The following CNOT10 variants were observed in gnomAD, a reference collection of about 807,000 sequenced individuals.
CNOT10 encodes CCR4-NOT transcription complex subunit 10.
Under a neutral mutation model 94.6 loss-of-function variants are expected in CNOT10, and 30 were observed. The ratio of observed to expected loss-of-function variants is 0.32; its 90% CI spans 0.24 to 0.43. The LOEUF (loss-of-function observed/expected upper bound fraction) is 0.43. Ranked by LOEUF, CNOT10 falls within the 20% of genes least tolerant of loss-of-function variation. CNOT10 has a pLI of 1.00. For missense variants in CNOT10, 759 were observed against 877.2 expected (o/e 0.87, Z 1.70); for synonymous variants, 289 against 301.6 (o/e 0.96, Z 0.43).
chr3:32,769,427 G>A lies in CNOT10; in HGVS notation c.2005-460G>A, dbSNP rs191147525. On this transcript the variant is annotated intron_variant, in intron 17 of 18. Transcript: ENST00000328834. ...GTAAATTATTTTATTGGACTAAATT[G>A]AAGTGTGTTTCAGTCCTTAAGAATG... 1.7e-4 allele frequency: 29 copies of A among 168,558 alleles called. No homozygotes were observed. In the East Asian group the frequency reaches 4.4e-3, roughly 26 times the overall value. The allele number at this position is 168,558 out of a possible 1,614,324, so 10.4% of individuals were successfully genotyped here. A position where few individuals can be genotyped will look rare whatever the true frequency, so the allele number is the denominator to read the frequency against.
intron 1 of CNOT10, among the ~76,000 whole-genome samples, chr3:32,688,220 T>C (rs902092355): frequency 3.3e-5 from 5 of 152,188 alleles, no homozygotes; most frequent in Admixed American, 3.3e-4. Flanking sequence ...CAAAACAAAG[T>C]CTCTGTTCTG....
chr3:32,758,324 T>C (rs979646182), intron 13 of CNOT10, among the ~76,000 whole-genome samples: 10 of 152,196 alleles, frequency 6.6e-5, no homozygotes, highest in Non-Finnish European at 1.5e-4. Context: ...TGTTAAGAGT[T>C]GAGGGGCTGC....
intron 14 of CNOT10, among the ~76,000 whole-genome samples, chr3:32,760,625 C>T (rs997564690): frequency 6.6e-6 from 1 of 152,012 alleles, no homozygotes; most frequent in African/African-American, 2.4e-5. Context: ...CAGCAAGACT[C>T]CCTCTCAAAA....
chr3:32,712,401 T>C lies in CNOT10; in HGVS notation c.431-826T>C, dbSNP rs904136885. 2.6e-5 allele frequency among the ~76,000 whole-genome samples: 4 copies of C among 152,212 alleles called. No individual in the cohort carries two copies. In the South Asian group the frequency reaches 6.2e-4, roughly 24 times the overall value. ...ATAGGTGCAGATTGAGTATCCCTTA[T>C]CCAAAATGCTTGGGACAAGAAGTGT... On this transcript the variant is annotated intron_variant, in intron 4 of 18. Coordinates refer to ENST00000328834, the MANE Select transcript of CNOT10 (RefSeq NM_015442.3).
chr3:32,727,528 T>C (rs571344060), intron 9 of CNOT10, 140 bp from the exon 10 acceptor site: 8 of 627,930 alleles, frequency 1.3e-5, no homozygotes, highest in Admixed American at 2.8e-5. Context: ...GAGACCACCA[T>C]TGGCGAGAGC....
chr3:32,692,155 A>G (rs1234661761), intron 1 of CNOT10, among the ~76,000 whole-genome samples: 6 of 151,960 alleles, frequency 3.9e-5, no homozygotes, highest in Non-Finnish European at 7.4e-5. Flanking sequence ...TGAACCTAGG[A>G]GTTCAAGTCC....
chr3:32,703,725 G>T lies in CNOT10; in HGVS notation c.23-143G>T, dbSNP rs1697479345. Reference sequence around the variant, plus strand: ...CAGAACATTGCTGTTTAAAACTTAAGAACTGCTTATTTCTGGAATTTTCCA... The same window carrying T: ...CAGAACATTGCTGTTTAAAACTTAATAACTGCTTATTTCTGGAATTTTCCA... On this transcript the variant is annotated intron_variant, in intron 1 of 18. Transcript: ENST00000328834. 6 of 605,546 alleles carry T rather than the reference G, an allele frequency of 9.9e-6. No homozygotes were observed. In the South Asian group the frequency reaches 1.2e-4, roughly 12 times the overall value. 37.5% of individuals were successfully genotyped at this position (605,546 alleles called of 1,614,324 possible).
intron 1 of CNOT10, among the ~76,000 whole-genome samples, chr3:32,697,902 T>G (rs559019296): frequency 2.6e-5 from 4 of 152,360 alleles, no homozygotes; most frequent in African/African-American, 9.6e-5. Flanking sequence ...TTATAAAATC[T>G]TTAATAATAA....
intron 1 of CNOT10, among the ~76,000 whole-genome samples, chr3:32,687,040 G>T (rs1283462286): frequency 6.6e-6 from 1 of 152,130 alleles, no homozygotes; most frequent in Non-Finnish European, 1.5e-5. Context: ...GTGATTAGGG[G>T]ACTGTTTTTT....
chr3:32,727,969 A>G (rs527589489), intron 10 of CNOT10, 99 bp downstream of exon 10: 39 of 762,266 alleles, frequency 5.1e-5, no homozygotes, highest in African/African-American at 4.9e-4. Flanking sequence ...CATACATAAG[A>G]CATTTCTCTT....
chr3:32,755,852 G>A (rs1700206617), intron 13 of CNOT10, among the ~76,000 whole-genome samples: 1 of 144,980 alleles, frequency 6.9e-6, no homozygotes, highest in East Asian at 2.1e-4. Flanking sequence ...AGGGGAGAGT[G>A]GGGTTTTGTC....
rs1701009036 is a variant in CNOT10 at position 32,773,755 on chromosome 3, A to G, written c.*144A>G. ...ACCCCTGACATTTGGCCAAAAGCTTACTTAAAATTAAGGATTTACTAAGTC... is the reference window on the plus strand; with the variant it reads ...ACCCCTGACATTTGGCCAAAAGCTTGCTTAAAATTAAGGATTTACTAAGTC... On this transcript the variant is annotated 3_prime_UTR_variant, in exon 19 of 19. Transcript: ENST00000328834. 8 of 754,164 alleles carry G rather than the reference A, an allele frequency of 1.1e-5. No homozygotes were observed. The highest frequency in any genetic ancestry group is 1.6e-5 in the Non-Finnish European group (8 of 501,672). 46.7% of individuals were successfully genotyped at this position (754,164 alleles called of 1,614,324 possible). A position where few individuals can be genotyped will look rare whatever the true frequency, so the allele number is the denominator to read the frequency against.
chr3:32,723,559 T>C (rs1698517910), intron 8 of CNOT10, among the ~76,000 whole-genome samples: 1 of 152,168 alleles, frequency 6.6e-6, no homozygotes, highest in Non-Finnish European at 1.5e-5. Context: ...GTAAACATTT[T>C]CCAAAATCTA....
chr3:32,736,299 A>T (rs1298180247), intron 12 of CNOT10, among the ~76,000 whole-genome samples: 2 of 151,934 alleles, frequency 1.3e-5, no homozygotes, highest in African/African-American at 2.4e-5. Context: ...GTTGTCCAGG[A>T]TGGTCTTGAA....
At chr3:32,708,019 G>A (rs1463819777) in intron 3 of CNOT10, among the ~76,000 whole-genome samples, 2 of 151,946 alleles carry the variant, frequency 1.3e-5, no homozygotes, top group Admixed American at 1.3e-4. Flanking sequence ...CCGAGTAGCT[G>A]GGACTACAGG....
chr3:32,688,408 G>C (rs1696717252), intron 1 of CNOT10, among the ~76,000 whole-genome samples: 2 of 151,910 alleles, frequency 1.3e-5, no homozygotes, highest in South Asian at 2.1e-4. Flanking sequence ...AAACCAGCCT[G>C]ACCAACATGG....
chr3:32,713,298 G>C lies in CNOT10; in HGVS notation c.502G>C (p.Ala168Pro). The C allele has an allele frequency of 6.2e-7, 1 of 1,602,120 alleles. No individual in the cohort carries two copies. Among genetic ancestry groups the C allele is most frequent in the South Asian group, 1.1e-5 (1 of 88,124 alleles). ...LYILTYQAEK[A>P]LHLLAVLEKM... ...TATATTAACCTACCAAGCTGAGAAA[G>C]CTTTGCATCTTCTTGCTGTCCTAGA... The change falls in exon 5 of 19, where the codon GCT becomes CCT. Residue 168 changes from alanine (A) to proline (P), a missense_variant. Physicochemically the swap from Ala to Pro is conservative, Grantham distance 27. Around this residue, in one of 3 missense-constraint regions of CNOT10, gnomAD observed 682 missense variants for 799.4 expected, o/e 0.85. Coordinates refer to ENST00000328834, the MANE Select transcript of CNOT10 (RefSeq NM_015442.3).
chr3:32,711,157 A>G (rs1011781060), intron 4 of CNOT10, among the ~76,000 whole-genome samples: 1 of 152,182 alleles, frequency 6.6e-6, no homozygotes, highest in African/African-American at 2.4e-5. Context: ...CTATTCTAAT[A>G]GGAGAGAAAG....
At position 32,713,045 on chromosome 3, in the gene CNOT10, G is replaced by A. The variant is rs905587701; in HGVS notation, c.431-182G>A. On this transcript the variant is annotated intron_variant, in intron 4 of 18. Coordinates refer to ENST00000328834, the MANE Select transcript of CNOT10 (RefSeq NM_015442.3). ...GAAATGAGAGGCCTTGCAGTGCCTA[G>A]TAAAATGACATTGTTGGCATTGCAA... Among the ~76,000 whole-genome samples the A allele has an allele frequency of 2.6e-5, 4 of 152,192 alleles. No individual in the cohort carries two copies. In the East Asian group the frequency reaches 5.8e-4, roughly 22 times the overall value.
Sources: allele counts gnomAD v4.1 joint callset (sites outside exome capture counted in the v4.1 genomes callset), GRCh38; gene constraint gnomAD v4.1.1; regional missense constraint gnomAD v4.1.1; transcripts MANE v1.5; gene names NCBI Gene and HGNC (gene_info 2026-07-23, HGNC 2026-07-21).